CLASP1: variants seen among roughly 807,000 people sequenced by gnomAD.
CLASP1 encodes CLIP-associating protein 1.
In CLASP1, 38 loss-of-function variants were observed where a neutral mutation model predicts 192.3. That is an observed-to-expected ratio of 0.20 (90% CI 0.15 to 0.26). CLASP1 has a LOEUF of 0.26. Among genes scored for constraint, CLASP1 ranks in the 10% least tolerant of loss-of-function variants. CLASP1 has a pLI of 1.00. For missense variants in CLASP1, 1,433 were observed against 1,932.5 expected (o/e 0.74, Z 4.85); for synonymous variants, 691 against 712.8 (o/e 0.97, Z 0.49).
chr2:121,426,489 C>A (rs964601815), intron 21 of CLASP1, among the ~76,000 whole-genome samples: 2 of 152,134 alleles, frequency 1.3e-5, no homozygotes, highest in African/African-American at 4.8e-5. Context: ...CAGAAATTGA[C>A]AGAGCAGTCA....
chr2:121,448,403 AT>A (rs1330495003), intron 17 of CLASP1, 78 bp from the exon 18 acceptor site: 1 of 1,248,782 alleles, frequency 8.0e-7, no homozygotes, highest in Non-Finnish European at 1.2e-6. Flanking sequence ...ACAGGAAATT[AT>A]TACAATGAAG....
chr2:121,345,266 C>T (rs1017189635), intron 39 of CLASP1, among the ~76,000 whole-genome samples: 14 of 152,148 alleles, frequency 9.2e-5, no homozygotes, highest in African/African-American at 2.2e-4. Flanking sequence ...GGAGGGAAGG[C>T]GCTGGCTCCC....
At chr2:121,628,253 C>T (rs994586416) in intron 1 of CLASP1, among the ~76,000 whole-genome samples, 3 of 152,134 alleles carry the variant, frequency 2.0e-5, no homozygotes, top group African/African-American at 4.8e-5. Flanking sequence ...GTTTCCAAAA[C>T]GAGTTATGAT....
At chr2:121,477,657 C>T (rs1346605002) in intron 8 of CLASP1, among the ~76,000 whole-genome samples, 2 of 152,146 alleles carry the variant, frequency 1.3e-5, no homozygotes, top group East Asian at 3.8e-4. Flanking sequence ...TTAATCTAGT[C>T]AATTTTAAAG....
intron 22 of CLASP1, among the ~76,000 whole-genome samples, chr2:121,422,928 T>A (rs2079754097): frequency 6.6e-6 from 1 of 152,164 alleles, no homozygotes; most frequent in African/African-American, 2.4e-5. Flanking sequence ...ATGTTCCTCC[T>A]CTTTTTTTCA....
At chr2:121,436,016 G>A (rs1034817903) in intron 19 of CLASP1, among the ~76,000 whole-genome samples, 3 of 150,584 alleles carry the variant, frequency 2.0e-5, no homozygotes, top group Admixed American at 6.6e-5. Flanking sequence ...TGTGCCTTTC[G>A]TGTTGTGCAA....
At chr2:121,394,867 G>A (rs2075015906) in intron 30 of CLASP1, among the ~76,000 whole-genome samples, 2 of 152,178 alleles carry the variant, frequency 1.3e-5, no homozygotes, top group South Asian at 2.1e-4. Flanking sequence ...GTGACAGAGC[G>A]AGACTCCGTC....
intron 2 of CLASP1, among the ~76,000 whole-genome samples, chr2:121,581,907 G>T (rs1228217514): frequency 6.6e-6 from 1 of 152,036 alleles, no homozygotes; most frequent in Non-Finnish European, 1.5e-5. Flanking sequence ...AAAAGTCCAG[G>T]CACAGTGGCT....
intron 2 of CLASP1, among the ~76,000 whole-genome samples, chr2:121,592,187 A>C (rs2105759420): frequency 6.6e-6 from 1 of 152,264 alleles, no homozygotes; most frequent in South Asian, 2.1e-4. Context: ...ATCCATTTGC[A>C]TGTTTTGCTT....
chr2:121,530,445 A>C (rs1176794658), intron 2 of CLASP1, 120 bp from the exon 3 acceptor site: 1 of 675,444 alleles, frequency 1.5e-6, no homozygotes, highest in Non-Finnish European at 2.6e-6. Flanking sequence ...GTCCAGACGC[A>C]TGCCGACTGG....
chr2:121,543,988 T>C (rs2095282186), intron 2 of CLASP1, among the ~76,000 whole-genome samples: 1 of 152,176 alleles, frequency 6.6e-6, no homozygotes, highest in South Asian at 2.1e-4. Flanking sequence ...ATAAGGAAAC[T>C]AAGCCCAAAA....
At chr2:121,605,659 A>G (rs774425327) in intron 2 of CLASP1, 42 bp downstream of exon 2, 53 of 1,518,998 alleles carry the variant, frequency 3.5e-5, no homozygotes, top group East Asian at 2.7e-4. Flanking sequence ...CTACCAGTGC[A>G]GCCCAGCCAC....
At chr2:121,469,452 C>T (rs1266859297) in intron 9 of CLASP1, among the ~76,000 whole-genome samples, 1 of 152,128 alleles carries the variant, frequency 6.6e-6, no homozygotes, top group African/African-American at 2.4e-5. Context: ...TAGAAATTGT[C>T]TAAAATGCCC....
chr2:121,525,611 T>C (rs1278539281), intron 6 of CLASP1, among the ~76,000 whole-genome samples: 2 of 152,184 alleles, frequency 1.3e-5, no homozygotes, highest in Non-Finnish European at 2.9e-5. Flanking sequence ...GCCCTGTGTA[T>C]AGAAGAGGAC....
intron 2 of CLASP1, among the ~76,000 whole-genome samples, chr2:121,596,659 A>G (rs1025462591): frequency 6.6e-6 from 1 of 152,178 alleles, no homozygotes; most frequent in African/African-American, 2.4e-5. Flanking sequence ...AGAAAGGGAG[A>G]AACAGGAAAG....
At chr2:121,536,842 A>G (rs981766165) in intron 2 of CLASP1, among the ~76,000 whole-genome samples, 4 of 152,204 alleles carry the variant, frequency 2.6e-5, no homozygotes, top group African/African-American at 4.8e-5. Flanking sequence ...TACAAGAGAA[A>G]AACATTATGG....
chr2:121,631,484 C>T (rs1350700973), intron 1 of CLASP1, among the ~76,000 whole-genome samples: 1 of 151,976 alleles, frequency 6.6e-6, no homozygotes, highest in East Asian at 2.0e-4. Flanking sequence ...GACGAGGTTT[C>T]ACCATGTTGA....
chr2:121,572,752 A>ATT (rs34873757), intron 2 of CLASP1, among the ~76,000 whole-genome samples: 3 of 151,222 alleles, frequency 2.0e-5, no homozygotes, highest in South Asian at 2.1e-4. Context: ...ATATATGATA[A>ATT]TTTTTTTTTA....
chr2:121,397,371 C>T lies in CLASP1; in HGVS notation c.2980-88G>A, dbSNP rs530804988. On this transcript the variant is annotated intron_variant, in intron 29 of 39. Coordinates refer to ENST00000263710, the Ensembl canonical transcript of CLASP1. ...TCAGGTGGCCAGAGAAAAGTAAACC[C>T]TGGTGAGGGGGATCTCCTTCCTTTC... 9.8e-6 allele frequency: 11 copies of T among 1,125,456 alleles called. No individual in the cohort carries two copies. The Admixed American group carries it at 1.5e-4, about 15-fold the overall frequency. 69.7% of individuals were successfully genotyped at this position (1,125,456 alleles called of 1,614,324 possible). A position where few individuals can be genotyped will look rare whatever the true frequency, so the allele number is the denominator to read the frequency against.
Sources: allele counts gnomAD v4.1 joint callset (sites outside exome capture counted in the v4.1 genomes callset), GRCh38; gene constraint gnomAD v4.1.1; transcripts MANE v1.5; gene names NCBI Gene and HGNC (gene_info 2026-07-23, HGNC 2026-07-21).